Variants in FBXO27 observed in about 807,000 individuals in gnomAD.
FBXO27 encodes F-box protein 27, also known as F-box only protein 27.
Under a neutral mutation model 28.3 loss-of-function variants are expected in FBXO27, and 28 were observed. That is an observed-to-expected ratio of 0.99 (90% CI 0.73 to 1.36). FBXO27 has a LOEUF of 1.36. Among genes scored for constraint, FBXO27 ranks in the 40% most tolerant of loss-of-function variants. FBXO27 has a pLI of 0.00. For missense variants in FBXO27, 388 were observed against 394.1 expected (o/e 0.98, Z 0.13); for synonymous variants, 175 against 167.3 (o/e 1.05, Z -0.36).
chr19:39,031,236 G>A lies in FBXO27; in HGVS notation c.449C>T (p.Ser150Phe), dbSNP rs2072900761. The change falls in exon 3 of 6, where the codon TCT (serine) becomes TTT (phenylalanine). Residue 150 changes from serine (S) to phenylalanine (F), a missense_variant. Physicochemically the swap from Ser to Phe is radical, Grantham distance 155. Coordinates refer to ENST00000292853, the MANE Select transcript of FBXO27 (RefSeq NM_178820.5). Reference sequence around the variant, plus strand: ...GAATGAAGTCACGAAGCACGTCTGAGAAGGGGCCCCAGGCACGGTTGTCCT... The same window carrying A: ...GAATGAAGTCACGAAGCACGTCTGAAAAGGGGCCCCAGGCACGGTTGTCCT... Reference protein sequence around the residue: ...ENRTTVPGAPSQTCFVTSFSW... With the variant: ...ENRTTVPGAPFQTCFVTSFSW... The A allele has an allele frequency of 6.2e-7, 1 of 1,614,142 alleles. No individual in the cohort carries two copies.
In FBXO27 at chr19:39,025,999, T is replaced by C. The variant is rs56935544; in HGVS notation, c.709-445A>G. ...TGCTACTACACTCCAGCCTGGATGA[T>C]GGAGCGAGACTCTGCCTCAAAAAAA... On this transcript the variant is annotated intron_variant, in intron 5 of 5. Coordinates refer to ENST00000292853, the MANE Select transcript of FBXO27 (RefSeq NM_178820.5). 3.7e-3 allele frequency among the ~76,000 whole-genome samples: 560 copies of C among 152,012 alleles called. 2 individuals carry two copies. The highest frequency in any genetic ancestry group is 0.013 in the African/African-American group (535 of 41,486).
chr19:39,019,293 C>T (rs1371378232), downstream of FBXO27, among the ~76,000 whole-genome samples: 38 of 150,368 alleles, frequency 2.5e-4, no homozygotes, highest in African/African-American at 9.3e-4. Context: ...GGCATGGTGG[C>T]GGGCACCTGT....
At chr19:39,020,619 G>A (rs928482046), downstream of FBXO27, among the ~76,000 whole-genome samples, 1 of 152,096 alleles carries the variant, frequency 6.6e-6, no homozygotes, top group African/African-American at 2.4e-5. Context: ...ATCCTTGTTA[G>A]AGAAAGGCTA....
At chr19:39,027,995 C>T (rs181791470) in intron 4 of FBXO27, among the ~76,000 whole-genome samples, 1 of 151,608 alleles carries the variant, frequency 6.6e-6, no homozygotes, top group Non-Finnish European at 1.5e-5. Flanking sequence ...AATCCCAACA[C>T]TTTGGGAGGC....
At chr19:39,021,158 C>A (rs1208451544), downstream of FBXO27, among the ~76,000 whole-genome samples, 1 of 152,138 alleles carries the variant, frequency 6.6e-6, no homozygotes, top group Non-Finnish European at 1.5e-5. Flanking sequence ...AAGATGTTAA[C>A]TGAAGATGTT....
chr19:39,017,026 A>G (rs1027228830), intron 1 of FBXO27, among the ~76,000 whole-genome samples: 3 of 152,122 alleles, frequency 2.0e-5, no homozygotes, highest in Non-Finnish European at 4.4e-5. Flanking sequence ...TCGAGGCTGC[A>G]GTGAGCCATG....
At chr19:39,022,879 C>T (rs1600226158), downstream of FBXO27, among the ~76,000 whole-genome samples, 1 of 152,130 alleles carries the variant, frequency 6.6e-6, no homozygotes, top group African/African-American at 2.4e-5. Context: ...CTTACGGCAA[C>T]CTCTGCCTCC....
rs977988168 is a variant in FBXO27, at chr19:39,031,876, G to C, written c.352C>G (p.Pro118Ala). 3 of 1,486,346 alleles carry C rather than the reference G, an allele frequency of 2.0e-6. No homozygotes were observed. The highest frequency in any genetic ancestry group is 2.7e-6 in the Non-Finnish European group (3 of 1,129,334). The allele number at this position is 1,486,346 out of a possible 1,614,324, so 92.1% of individuals were successfully genotyped here. The change falls in exon 2 of 6, where the codon CCC (proline) becomes GCC (alanine). Residue 118 changes from proline to alanine, a missense_variant. Transcript: ENST00000292853. ...TCCGAGATCCCACCTTGGCCGCAGG[G>C]GTTGCGAATAAGGTTGCGTCCGATG... ...RPIGRNLIRN[P>A]CGQEGLRKWM...
Position 39,026,888 on chromosome 19 carries a change from G to T in FBXO27, c.690C>A (p.Asn230Lys). The change falls in exon 5 of 6, where the codon AAC becomes AAA. Residue 230 changes from asparagine to lysine, a missense_variant. Asn to Lys is a moderately conservative substitution (Grantham distance 94). Transcript: ENST00000292853. ...GACTCACGTGAAGGCAGGCATTGTT[G>T]TTCCACTGCGGGATGGGATCAGGCA... ...SAVPDPIPQW[N>K]NNACLHVTHV... 6.2e-7 allele frequency: 1 copy of T among 1,614,202 alleles called. No homozygotes were observed. The highest frequency in any genetic ancestry group is 8.5e-7 in the Non-Finnish European group (1 of 1,180,048).
At chr19:39,006,694 C>T (rs1975736468) in intron 2 of FBXO27, among the ~76,000 whole-genome samples, 1 of 152,102 alleles carries the variant, frequency 6.6e-6, no homozygotes, top group South Asian at 2.1e-4. Flanking sequence ...TCAGGCACAG[C>T]AAGTACAGCT....
At chr19:39,022,146 C>CTTTTTTTT (rs532602600), downstream of FBXO27, among the ~76,000 whole-genome samples, 1 of 89,052 alleles carries the variant, frequency 1.1e-5, no homozygotes, top group African/African-American at 4.6e-5. Flanking sequence ...ATTTTCTATT[C>CTTTTTTTT]TTTTTTTTTT....
chr19:39,019,628 C>T (rs1486380253), downstream of FBXO27, among the ~76,000 whole-genome samples: 1 of 151,912 alleles, frequency 6.6e-6, no homozygotes, highest in Non-Finnish European at 1.5e-5. Context: ...AAAAAAATAT[C>T]AAGGTAACAG....
At chr19:39,014,872 A>T (rs544539854) in intron 1 of FBXO27, among the ~76,000 whole-genome samples, 1 of 151,746 alleles carries the variant, frequency 6.6e-6, no homozygotes, top group Non-Finnish European at 1.5e-5. Flanking sequence ...CTTAAAACTC[A>T]TCAATAAGGG....
intron 2 of FBXO27, among the ~76,000 whole-genome samples, chr19:39,007,080 ACAG>A (rs1975740974): frequency 5.1e-5 from 7 of 138,564 alleles, no homozygotes; most frequent in African/African-American, 1.5e-4. Flanking sequence ...AAAAAAAAAT[ACAG>A]AAAAGTACAA....
At chr19:39,007,387 G>A (rs529119446) in intron 2 of FBXO27, among the ~76,000 whole-genome samples, 1 of 152,290 alleles carries the variant, frequency 6.6e-6, no homozygotes, top group East Asian at 1.9e-4. Flanking sequence ...GAATATCCAG[G>A]AGCTGGGCCA....
chr19:39,028,456 C>T (rs1830246088), intron 4 of FBXO27, among the ~76,000 whole-genome samples: 1 of 151,716 alleles, frequency 6.6e-6, no homozygotes, highest in African/African-American at 2.4e-5. Context: ...AAAATCTGGC[C>T]AGCCGTGGTG....
chr19:39,030,603 G>A (rs998935682), intron 4 of FBXO27: 9 of 176,212 alleles, frequency 5.1e-5, no homozygotes, highest in Admixed American at 3.1e-4. Context: ...TCACCTCCCT[G>A]AACTTCAGTT....
At chr19:39,016,910 A>C (rs936625632) in intron 1 of FBXO27, among the ~76,000 whole-genome samples, 1 of 150,656 alleles carries the variant, frequency 6.6e-6, no homozygotes, top group Non-Finnish European at 1.5e-5. Context: ...TTAGCAAACT[A>C]GAAAGTGTTT....
rs150107559 is a variant in FBXO27 at position 39,009,162 on chromosome 19, G to A, written c.252+5225C>T. Among the ~76,000 whole-genome samples the A allele has an allele frequency of 7.5e-4, 114 of 152,338 alleles. 5 individuals are homozygous for A. In the East Asian group the frequency reaches 0.015, roughly 20 times the overall value. ...TGGAATAATTTCCCATTGTATGGAT[G>A]GACCACTTTTGGTTTATCCATTCAT... On this transcript the variant is annotated intron_variant, in intron 2 of 2. Coordinates refer to the FBXO27 transcript ENST00000598394.
Sources: allele counts gnomAD v4.1 joint callset (sites outside exome capture counted in the v4.1 genomes callset), GRCh38; gene constraint gnomAD v4.1.1; transcripts MANE v1.5; gene names NCBI Gene and HGNC (gene_info 2026-07-23, HGNC 2026-07-21).